Variants in DLGAP1 observed in about 807,000 individuals in gnomAD.
The protein encoded by DLGAP1 is DLG associated protein 1.
DLGAP1 carries 11 observed loss-of-function variants against 90.8 expected under a neutral mutation model. The ratio of observed to expected loss-of-function variants is 0.12; its 90% CI spans 0.08 to 0.20. DLGAP1 has a LOEUF of 0.20. Among genes scored for constraint, DLGAP1 ranks in the 10% least tolerant of loss-of-function variants. The pLI, the probability that DLGAP1 is intolerant of heterozygous loss-of-function variation, is 1.00. For missense variants in DLGAP1, 1,050 were observed against 1,333.8 expected (o/e 0.79, Z 3.31); for synonymous variants, 558 against 540.7 (o/e 1.03, Z -0.44).
intron 4 of DLGAP1, among the ~76,000 whole-genome samples, chr18:3,839,028 T>C (rs2068558434): frequency 6.6e-6 from 1 of 152,226 alleles, no homozygotes; most frequent in African/African-American, 2.4e-5. Context: ...TAGATGATAA[T>C]GAAATTAATG....
chr18:4,161,008 T>C (rs952471563), intron 1 of DLGAP1, among the ~76,000 whole-genome samples: 3 of 150,886 alleles, frequency 2.0e-5, no homozygotes, highest in African/African-American at 7.4e-5. Context: ...TACTCTTCTG[T>C]GTCAGATTTT....
At position 4,084,101 on chromosome 18, in the gene DLGAP1, GC is replaced by G. The variant is rs1315663589; in HGVS notation, c.-159+67078del. On this transcript the variant is annotated intron_variant, in intron 2 of 12. Transcript: ENST00000315677. This position sits in a 1 kb window ranked among gnomAD's most constrained non-coding sequence, Gnocchi z 4.0. The stretch of plus-strand genomic sequence containing the variant: ...TCTCCCAAAACCCTTAAAAATCCTA[GC>G]CCCCAAACTCCTCAAAAAGATGGAC... 1.3e-5 allele frequency among the ~76,000 whole-genome samples: 2 copies of G among 152,030 alleles called. No individual in the cohort carries two copies. Among genetic ancestry groups the G allele is most frequent in the African/African-American group, 2.4e-5 (1 of 41,404 alleles).
intron 7 of DLGAP1, among the ~76,000 whole-genome samples, chr18:3,680,569 T>C (rs28663191): frequency 0.15 from 23,114 of 152,152 alleles, 1,933 homozygotes; most frequent in South Asian, 0.24. Flanking sequence ...GGGCAGATCA[T>C]GGAGTCAGGA....
intron 1 of DLGAP1, among the ~76,000 whole-genome samples, chr18:4,332,833 T>C (rs674492): frequency 0.26 from 39,593 of 151,922 alleles, 5,507 homozygotes; most frequent in Middle Eastern, 0.31. Flanking sequence ...ATGCTGAAAT[T>C]AACTAATGTC....
intron 7 of DLGAP1, among the ~76,000 whole-genome samples, chr18:3,591,999 C>T (rs1568258416): frequency 6.6e-6 from 1 of 152,052 alleles, no homozygotes; most frequent in Admixed American, 6.6e-5. Flanking sequence ...GCAATTGTAC[C>T]AACATCTGAT....
rs1277228335 is a variant in DLGAP1, at chr18:4,341,918, C to CTT, written c.-267+113086_-267+113087dup. On this transcript the variant is annotated intron_variant, in intron 1 of 12. Coordinates refer to ENST00000315677, the MANE Select transcript of DLGAP1 (RefSeq NM_004746.4). ...TGATGTGAATTAAACTGATATCTCT[C>CTT]TTTCTCTCTCTCTCTCTGCATCTCT... is the stretch of plus-strand genomic sequence containing the variant. Among the ~76,000 whole-genome samples, 4 of 151,842 alleles carry CTT rather than the reference C, an allele frequency of 2.6e-5. No individual in the cohort carries two copies. In the East Asian group the frequency reaches 7.7e-4, roughly 29 times the overall value.
chr18:3,990,792 A>T (rs1177275147), intron 3 of DLGAP1, among the ~76,000 whole-genome samples: 1 of 151,978 alleles, frequency 6.6e-6, no homozygotes, highest in East Asian at 1.9e-4. Context: ...TGCCTTCTAC[A>T]GTTTGACCAA....
intron 6 of DLGAP1, among the ~76,000 whole-genome samples, chr18:3,732,369 G>C (rs1357393761): frequency 1.3e-5 from 2 of 152,170 alleles, no homozygotes. Flanking sequence ...GTTAATCCTT[G>C]GGAGCTGCAA....
chr18:3,772,348 CTT>C (rs1306474158), intron 5 of DLGAP1, among the ~76,000 whole-genome samples: 30 of 2,232 alleles, frequency 0.013, 1 homozygote, highest in South Asian at 0.07. Flanking sequence ...CTCTCTCTCT[CTT>C]TCTTTCTTTC....
rs1370594362 is a variant in DLGAP1 at position 3,879,683 on chromosome 18, T to A, written c.386A>T (p.Glu129Val). 1 of 1,607,250 alleles carries A rather than the reference T, an allele frequency of 6.2e-7. No individual in the cohort carries two copies. The highest frequency in any genetic ancestry group is 2.2e-5 in the East Asian group (1 of 44,856). ...HTLQYKRTAV[E>V]HRSDSPGRIR... ...GCGGCCGGGGCTGTCGCTGCGGTGCTCCACGGCCGTGCGCTTGTACTGCAG... is the reference window on the plus strand; with the variant it reads ...GCGGCCGGGGCTGTCGCTGCGGTGCACCACGGCCGTGCGCTTGTACTGCAG... The change falls in exon 4 of 13, where the codon GAG (glutamate) becomes GTG (valine). Residue 129 changes from glutamate to valine, a missense_variant. By Grantham distance (121) the Glu-to-Val change is moderately radical. This residue lies in a region of DLGAP1 where 485 missense variants were observed against 454.1 expected (regional missense o/e 1.07). Transcript: ENST00000315677. This position sits in a 1 kb window ranked among gnomAD's most constrained non-coding sequence, Gnocchi z 6.6.
At chr18:3,828,378 G>A (rs566340057) in intron 4 of DLGAP1, among the ~76,000 whole-genome samples, 83 of 152,256 alleles carry the variant, frequency 5.5e-4, no homozygotes, top group African/African-American at 1.9e-3. Flanking sequence ...AGTGGCTCAC[G>A]CCTGTAATCC....
chr18:4,313,447 G>T (rs958586447), intron 1 of DLGAP1, among the ~76,000 whole-genome samples: 2 of 152,080 alleles, frequency 1.3e-5, no homozygotes, highest in African/African-American at 4.8e-5. Context: ...AGTGCAACCT[G>T]GTCAGTCAAG....
chr18:4,042,287 T>C (rs1456652826), intron 2 of DLGAP1, among the ~76,000 whole-genome samples: 1 of 152,240 alleles, frequency 6.6e-6, no homozygotes, highest in Non-Finnish European at 1.5e-5. Context: ...CTCTTTTTCA[T>C]TCCCCATCAA....
chr18:3,791,167 A>G (rs2065714356), intron 5 of DLGAP1, among the ~76,000 whole-genome samples: 1 of 152,202 alleles, frequency 6.6e-6, no homozygotes, highest in African/African-American at 2.4e-5. Context: ...TCCTCAGGAT[A>G]TGAAAAATGA....
At chr18:4,123,263 C>G (rs543916211) in intron 2 of DLGAP1, among the ~76,000 whole-genome samples, 1 of 152,088 alleles carries the variant, frequency 6.6e-6, no homozygotes, top group Admixed American at 6.5e-5. Flanking sequence ...CAGTTCACTT[C>G]CTGCATTCCA....
chr18:4,008,722 G>A (rs573083458), intron 2 of DLGAP1, among the ~76,000 whole-genome samples: 2 of 152,248 alleles, frequency 1.3e-5, no homozygotes, highest in African/African-American at 4.8e-5. Context: ...ACTACCATAT[G>A]CTTTTGATTT....
chr18:3,680,962 C>CT (rs1191537336), intron 7 of DLGAP1, among the ~76,000 whole-genome samples: 1 of 152,132 alleles, frequency 6.6e-6, no homozygotes, highest in Non-Finnish European at 1.5e-5. Context: ...AGAAAGAAGG[C>CT]TAAGAAGGCT....
At chr18:4,240,775 A>G (rs576014896) in intron 1 of DLGAP1, among the ~76,000 whole-genome samples, 1 of 152,338 alleles carries the variant, frequency 6.6e-6, no homozygotes, top group South Asian at 2.1e-4. Flanking sequence ...TTTTGTTACA[A>G]ATTGGCAAAA....
chr18:3,787,302 T>A (rs970337118), intron 5 of DLGAP1, among the ~76,000 whole-genome samples: 33 of 151,766 alleles, frequency 2.2e-4, no homozygotes, highest in Admixed American at 1.1e-3. Context: ...GCCGATATGG[T>A]GAAACCCCGT....
Sources: allele counts gnomAD v4.1 joint callset (sites outside exome capture counted in the v4.1 genomes callset), GRCh38; gene constraint gnomAD v4.1.1; regional missense constraint gnomAD v4.1.1; non-coding constraint Gnocchi (gnomAD v3.1); transcripts MANE v1.5; gene names NCBI Gene and HGNC (gene_info 2026-07-23, HGNC 2026-07-21).